The following GALNT13 variants were observed in gnomAD, a reference collection of about 807,000 sequenced individuals.
GALNT13 encodes the protein UDP-GalNAc:polypeptide N-acetylgalactosaminyltransferase 13.
GALNT13 carries 28 observed loss-of-function variants against 64.2 expected under a neutral mutation model. The ratio of observed to expected loss-of-function variants is 0.44; its 90% CI spans 0.32 to 0.60. The LOEUF (loss-of-function observed/expected upper bound fraction) is 0.60, where lower values mean the gene tolerates loss of function less well. GALNT13 is among the 20% of genes least tolerant of loss of function. The pLI is 0.05. For synonymous variants in GALNT13, 214 were observed against 224.6 expected (o/e 0.95, Z 0.42); for missense variants, 577 against 669.8 (o/e 0.86, Z 1.53).
chr2:153,794,624 G>A, the GALNT13 span, among the ~76,000 whole-genome samples: 3 of 151,510 alleles, frequency 2.0e-5, no homozygotes, highest in African/African-American at 4.9e-5. Flanking sequence ...AGGTTCAATC[G>A]ATTCTCCTGC....
intron 11 of GALNT13, among the ~76,000 whole-genome samples, chr2:154,426,221 C>G (rs566808656): frequency 9.2e-5 from 14 of 152,302 alleles, no homozygotes; most frequent in Non-Finnish European, 1.3e-4. Context: ...TTGTCTGGCT[C>G]TCTGCCAGGG....
the GALNT13 span, among the ~76,000 whole-genome samples, chr2:153,366,356 T>C: frequency 1.3e-5 from 2 of 152,026 alleles, no homozygotes; most frequent in East Asian, 3.9e-4. Context: ...ACATTTACCA[T>C]GTAACAAACC....
At chr2:153,837,147 CT>C in the GALNT13 span, among the ~76,000 whole-genome samples, 1 of 151,734 alleles carries the variant, frequency 6.6e-6, no homozygotes, top group African/African-American at 2.4e-5. Context: ...GTTCCTATTT[CT>C]CCACAACCTC....
the GALNT13 span, among the ~76,000 whole-genome samples, chr2:153,384,915 A>G: frequency 6.6e-6 from 1 of 152,080 alleles, no homozygotes; most frequent in African/African-American, 2.4e-5. Context: ...TTGAAGAACT[A>G]TAGGGTAGAA....
At chr2:154,411,967 C>T (rs1002254364) in intron 11 of GALNT13, among the ~76,000 whole-genome samples, 2 of 151,690 alleles carry the variant, frequency 1.3e-5, no homozygotes, top group African/African-American at 4.8e-5. Flanking sequence ...AAAAAATTAA[C>T]ACTAAACATG....
the GALNT13 span, among the ~76,000 whole-genome samples, chr2:153,374,526 A>G: frequency 6.6e-6 from 1 of 152,106 alleles, no homozygotes; most frequent in Non-Finnish European, 1.5e-5. Flanking sequence ...GATGTTTTAC[A>G]CTGACTTATC....
At chr2:154,221,941 C>T (rs995076011) in intron 4 of GALNT13, among the ~76,000 whole-genome samples, 15 of 152,118 alleles carry the variant, frequency 9.9e-5, no homozygotes, top group Non-Finnish European at 7.4e-5. Context: ...GGAACCACCC[C>T]AACATTTCTC....
the GALNT13 span, among the ~76,000 whole-genome samples, chr2:153,409,306 A>T: frequency 2.4e-5 from 3 of 125,166 alleles, no homozygotes; most frequent in East Asian, 2.0e-4. Context: ...ATGTATATAT[A>T]TATATGAATA....
intron 9 of GALNT13, among the ~76,000 whole-genome samples, chr2:154,327,019 C>T (rs1694908881): frequency 6.6e-6 from 1 of 152,032 alleles, no homozygotes; most frequent in Non-Finnish European, 1.5e-5. Context: ...ACCCAGATCT[C>T]ATCTTGAATT....
In GALNT13 at chr2:154,094,719, A is replaced by G. The variant is rs1701991032; in HGVS notation, c.143-45618A>G. On this transcript the variant is annotated intron_variant, in intron 3 of 12. Coordinates refer to ENST00000392825, the MANE Select transcript of GALNT13 (RefSeq NM_052917.4). ...ACTACCTTTATTTTTAAAGGCAAAT[A>G]TTATTCATTTAACACATTCTCTTTG... 2.6e-5 allele frequency among the ~76,000 whole-genome samples: 4 copies of G among 151,892 alleles called. No homozygotes were observed. In the South Asian group the frequency reaches 8.3e-4, roughly 31 times the overall value.
At chr2:154,100,910 A>G (rs1702313913) in intron 3 of GALNT13, among the ~76,000 whole-genome samples, 1 of 151,550 alleles carries the variant, frequency 6.6e-6, no homozygotes, top group African/African-American at 2.4e-5. Flanking sequence ...GTTTTTATTT[A>G]TGAGAGGATG....
the GALNT13 span, among the ~76,000 whole-genome samples, chr2:153,257,939 C>G: frequency 6.6e-6 from 1 of 152,128 alleles, no homozygotes; most frequent in Non-Finnish European, 1.5e-5. Context: ...GGTCTCATAC[C>G]ATTCCCTGTA....
the GALNT13 span, among the ~76,000 whole-genome samples, chr2:153,849,151 C>T: frequency 6.6e-6 from 1 of 152,002 alleles, no homozygotes; most frequent in Non-Finnish European, 1.5e-5. Flanking sequence ...AACAATGTAA[C>T]TTACAAAACT....
At chr2:153,239,472 C>A in the GALNT13 span, among the ~76,000 whole-genome samples, 2 of 152,066 alleles carry the variant, frequency 1.3e-5, no homozygotes, top group African/African-American at 4.8e-5. Flanking sequence ...GTGTCTGTTT[C>A]AAATGGCTTT....
chr2:153,504,014 A>G, the GALNT13 span, among the ~76,000 whole-genome samples: 2 of 152,172 alleles, frequency 1.3e-5, no homozygotes, highest in East Asian at 3.9e-4. Flanking sequence ...CCCATCCACA[A>G]GCATGGGATG....
At chr2:153,788,258 T>C in the GALNT13 span, among the ~76,000 whole-genome samples, 1 of 152,180 alleles carries the variant, frequency 6.6e-6, no homozygotes, top group East Asian at 1.9e-4. Flanking sequence ...GCAGAAACCC[T>C]GTAAGACCGA....
chr2:153,190,120 G>A, the GALNT13 span, among the ~76,000 whole-genome samples: 1 of 152,016 alleles, frequency 6.6e-6, no homozygotes, highest in Admixed American at 6.6e-5. Context: ...CGTTTATTCT[G>A]TATTTCTGTT....
At chr2:153,981,726 G>GAT (rs1256081597) in intron 3 of GALNT13, among the ~76,000 whole-genome samples, 1 of 151,968 alleles carries the variant, frequency 6.6e-6, no homozygotes, top group Non-Finnish European at 1.5e-5. Flanking sequence ...TTAACACTTT[G>GAT]AATTTTGCTT....
chr2:153,717,254 A>G, the GALNT13 span, among the ~76,000 whole-genome samples: 1 of 152,242 alleles, frequency 6.6e-6, no homozygotes, highest in East Asian at 1.9e-4. Flanking sequence ...GTGTTGCCAC[A>G]TAATGAAAAT....
Sources: gnomAD v4.1 joint callset for allele counts (sites outside exome capture counted in the v4.1 genomes callset) on GRCh38, gnomAD v4.1.1 for gene constraint, MANE v1.5 for transcripts, NCBI Gene and HGNC (gene_info 2026-07-23, HGNC 2026-07-21) for gene names.